BBS7: variants seen among roughly 807,000 people sequenced by gnomAD.
The protein encoded by BBS7 is BBSome complex member BBS7.
In BBS7, 50 loss-of-function variants were observed where a neutral mutation model predicts 90.3. The ratio of observed to expected loss-of-function variants is 0.55; its 90% confidence interval spans 0.44 to 0.70. The LOEUF is 0.70. BBS7 is among the 30% of genes least tolerant of loss of function. The probability of loss-of-function intolerance (pLI) is 0.00; values close to 1 mark genes in which losing one functional copy is unlikely to be tolerated. For missense variants in BBS7, 729 were observed against 838.9 expected (o/e 0.87, Z 1.62); for synonymous variants, 235 against 287.4 (o/e 0.82, Z 1.85).
In BBS7 at chr4:121,847,529, C is replaced by T. The variant is rs780885279; in HGVS notation, c.935-23G>A. 134 of 1,502,454 alleles carry T rather than the reference C, an allele frequency of 8.9e-5. 2 individuals are homozygous for T. The highest frequency in any genetic ancestry group is 4.6e-4 in the South Asian group (41 of 88,886). 93.1% of individuals were successfully genotyped at this position (1,502,454 alleles called of 1,614,324 possible). On this transcript the variant is annotated intron_variant, in intron 9 of 18. Transcript: ENST00000264499. ...AGCCTGTAGAGATGAATTACAATCA[C>T]GCACCACTTAGTACTGCTAGTGTTA...
chr4:121,854,808 T>C lies in BBS7; in HGVS notation c.614A>G (p.Glu205Gly), dbSNP rs1253226021. ...LHNGNGGDSG[E>G]DLLFGTSDGK... ...GTCTGATGTCCCAAACAAAAGGTCT[T>C]CTCCAGAGTCACCTACTTATAATTA... Residue 205 changes from glutamate to glycine, a missense_variant, in exon 7 of 19, where the codon GAA becomes GGA. Physicochemically the swap from Glu to Gly is moderately conservative, Grantham distance 98 (BLOSUM62 -2). Transcript: ENST00000264499. The C allele has an allele frequency of 1.2e-6, 2 of 1,611,678 alleles. No individual in the cohort carries two copies. The highest frequency in any genetic ancestry group is 1.7e-6 in the Non-Finnish European group (2 of 1,178,476).
chr4:121,841,118 G>A (rs938707423), intron 12 of BBS7, among the ~76,000 whole-genome samples: 4 of 152,140 alleles, frequency 2.6e-5, no homozygotes, highest in African/African-American at 7.2e-5. Context: ...GGGATTACAC[G>A]TATGAGCCAC....
In BBS7 at chr4:121,841,140, G is replaced by A. The variant is rs115759917; in HGVS notation, c.1306-1444C>T. On this transcript the variant is annotated intron_variant, in intron 12 of 18. Transcript: ENST00000264499. ...CACGTATGAGCCACGGTGCCAAGCC[G>A]TAAATGTGTTCTTGTATGATTAAAA... Among the ~76,000 whole-genome samples the A allele has an allele frequency of 5.3e-3, 812 of 152,094 alleles. 4 individuals are homozygous for A. Among genetic ancestry groups the A allele is most frequent in the African/African-American group, 0.018 (758 of 41,508 alleles).
intron 13 of BBS7, 70 bp from the exon 14 acceptor site, chr4:121,835,353 C>T: frequency 1.3e-6 from 2 of 1,562,062 alleles, no homozygotes; most frequent in Non-Finnish European, 1.8e-6. Context: ...GAATGTTCAA[C>T]ATAAGTTATC....
chr4:121,868,029 C>T lies in BBS7; in HGVS notation c.54G>A (p.Gln18=), dbSNP rs754868012. The change falls in exon 2 of 19, where the codon CAG becomes CAA. Residue 18 remains glutamine (Q), a synonymous_variant. Transcript: ENST00000264499. ...MDYLQVGVTS[Q]KTMKLIPASR... ...AGGCAGGAATTAGCTTCATAGTCTT[C>T]TGAGATGTTACTCCCACCTAAAGAA... 3 of 1,613,520 alleles carry T rather than the reference C, an allele frequency of 1.9e-6. No homozygotes were observed. Among genetic ancestry groups the T allele is most frequent in the South Asian group, 1.1e-5 (1 of 91,078 alleles).
chr4:121,828,644 C>T lies in BBS7; in HGVS notation c.1761G>A (p.Arg587=), dbSNP rs1419794889. The T allele has an allele frequency of 2.5e-6, 4 of 1,606,392 alleles. No individual in the cohort carries two copies. Among genetic ancestry groups the T allele is most frequent in the South Asian group, 1.1e-5 (1 of 90,692 alleles). The part of the protein sequence containing the change: ...KDVLSKEATK[R]KINLNISYEI... ...CGTATGATATGTTGAGGTTAATTTTCCTTTTTGTAGCTTCTTTAGAAAGCA... is the reference window on the plus strand; with the variant it reads ...CGTATGATATGTTGAGGTTAATTTTTCTTTTTGTAGCTTCTTTAGAAAGCA... Residue 587 remains arginine (R), a synonymous_variant, in exon 16 of 19, where the codon AGG becomes AGA. Transcript: ENST00000264499.
intron 15 of BBS7, among the ~76,000 whole-genome samples, chr4:121,830,609 T>G (rs955557005): frequency 6.6e-6 from 1 of 152,092 alleles, no homozygotes; most frequent in African/African-American, 2.4e-5. Context: ...TTCAATAAAG[T>G]AAGTGCTATT....
Position 121,851,747 on chromosome 4 carries a change from AC to A in BBS7, c.849+1208del, listed in dbSNP as rs762996949. On this transcript the variant is annotated intron_variant, in intron 8 of 18. Coordinates refer to ENST00000264499, the MANE Select transcript of BBS7 (RefSeq NM_176824.3). The stretch of plus-strand genomic sequence containing the variant: ...ACCAGTCCAGACTGTGTCAGACAGT[AC>A]GTCTTCTCCTGATTAGAAAAGCAAC... Among the ~76,000 whole-genome samples, 107 of 152,348 alleles carry A rather than the reference AC, an allele frequency of 7.0e-4. 2 individuals carry two copies. The highest frequency in any genetic ancestry group is 9.6e-4 in the East Asian group (5 of 5,188).
At chr4:121,832,155 C>A (rs1725224553) in intron 15 of BBS7, among the ~76,000 whole-genome samples, 1 of 151,768 alleles carries the variant, frequency 6.6e-6, no homozygotes, top group African/African-American at 2.4e-5. Context: ...CCAGCTTGAC[C>A]AACATGGTGA....
intron 18 of BBS7, chr4:121,827,737 C>T: frequency 1.1e-6 from 1 of 902,002 alleles, no homozygotes; most frequent in Non-Finnish European, 1.3e-6. Context: ...TACTGTATAT[C>T]CTTTATTAAA....
At chr4:121,839,971 C>T (rs1033503360) in intron 12 of BBS7, among the ~76,000 whole-genome samples, 1 of 152,208 alleles carries the variant, frequency 6.6e-6, no homozygotes, top group Admixed American at 6.5e-5. Context: ...AGCTCATGCT[C>T]TTTCCATCTT....
intron 11 of BBS7, 51 bp from the exon 12 acceptor site, chr4:121,844,052 G>A (rs1455200235): frequency 8.7e-7 from 1 of 1,147,200 alleles, no homozygotes; most frequent in Non-Finnish European, 1.3e-6. Context: ...ACCTAAAAAT[G>A]TTCATAAATT....
chr4:121,847,873 A>C (rs2149071426), intron 9 of BBS7, among the ~76,000 whole-genome samples: 1 of 152,298 alleles, frequency 6.6e-6, no homozygotes, highest in South Asian at 2.1e-4. Flanking sequence ...ATGGAAATTT[A>C]AACTCTCACA....
chr4:121,859,719 A>G (rs1726877211), intron 4 of BBS7, among the ~76,000 whole-genome samples: 1 of 152,122 alleles, frequency 6.6e-6, no homozygotes, highest in Non-Finnish European at 1.5e-5. Flanking sequence ...AAATTGCCTG[A>G]AAAAGTCTAT....
At chr4:121,865,612 T>G (rs898257937) in intron 2 of BBS7, among the ~76,000 whole-genome samples, 2 of 152,228 alleles carry the variant, frequency 1.3e-5, no homozygotes, top group Non-Finnish European at 2.9e-5. Context: ...TACATTCATC[T>G]GTTGTTAAAC....
intron 4 of BBS7, among the ~76,000 whole-genome samples, chr4:121,859,726 C>A (rs1363390772): frequency 6.6e-6 from 1 of 151,712 alleles, no homozygotes; most frequent in East Asian, 1.9e-4. Context: ...CTGAAAAAGT[C>A]TATTTTAAGT....
chr4:121,831,172 T>C (rs1725161122), intron 15 of BBS7, among the ~76,000 whole-genome samples: 1 of 152,024 alleles, frequency 6.6e-6, no homozygotes, highest in African/African-American at 2.4e-5. Context: ...GCCACTGCAC[T>C]CCAGAATGGC....
At chr4:121,865,743 G>A (rs2149092021) in intron 2 of BBS7, among the ~76,000 whole-genome samples, 1 of 152,294 alleles carries the variant, frequency 6.6e-6, no homozygotes, top group East Asian at 1.9e-4. Flanking sequence ...CAGTGGGGTT[G>A]CTAAATCATA....
chr4:121,828,989 C>T (rs973018385), intron 15 of BBS7, among the ~76,000 whole-genome samples: 4 of 143,236 alleles, frequency 2.8e-5, no homozygotes, highest in African/African-American at 7.8e-5. Flanking sequence ...TTCATTTAAA[C>T]AACTTTTATC....
Sources: allele counts gnomAD v4.1 joint callset (sites outside exome capture counted in the v4.1 genomes callset), GRCh38; gene constraint gnomAD v4.1.1; transcripts MANE v1.5; gene names NCBI Gene and HGNC (gene_info 2026-07-23, HGNC 2026-07-21).